Variants in RSL1D1 observed in about 807,000 individuals in gnomAD.
The protein encoded by RSL1D1 is ribosomal L1 domain-containing protein 1.
In RSL1D1, 34 loss-of-function variants were observed where a neutral mutation model predicts 44.6. The ratio of observed to expected loss-of-function variants is 0.76; its 90% CI spans 0.58 to 1.02. RSL1D1 has a LOEUF of 1.02. RSL1D1 is among the 50% of genes least tolerant of loss of function. RSL1D1 has a pLI of 0.00. For missense variants in RSL1D1, 767 were observed against 568.1 expected, an observed-to-expected ratio of 1.35 and a Z score of -3.56; for synonymous variants, 271 against 207.4, an observed-to-expected ratio of 1.31 and a Z score of -2.63.
Position 11,838,015 on chromosome 16 carries a change from G to A in RSL1D1, c.1245C>T (p.Thr415=), listed in dbSNP as rs760175070. 1 of 1,613,826 alleles carries A rather than the reference G, an allele frequency of 6.2e-7. No homozygotes were observed. Among genetic ancestry groups the A allele is most frequent in the Non-Finnish European group, 8.5e-7 (1 of 1,179,968 alleles). Reference sequence around the variant, plus strand: ...GGGTCTCAGACTCTGCAGCTTTTGGGGTCTCAGATGCTGGCAAAGCCTTTC... The same window carrying A: ...GGGTCTCAGACTCTGCAGCTTTTGGAGTCTCAGATGCTGGCAAAGCCTTTC... The part of the protein sequence containing the change: ...KKRKALPASE[T]PKAAESETPG... The change falls in exon 9 of 9, where the codon ACC becomes ACT. Residue 415 remains threonine (T), a synonymous_variant. Coordinates refer to ENST00000571133, the MANE Select transcript of RSL1D1 (RefSeq NM_015659.3).
chr16:11,850,140 T>C, intron 2 of RSL1D1, 139 bp downstream of exon 2: 1 of 814,482 alleles, frequency 1.2e-6, no homozygotes, highest in Non-Finnish European at 1.8e-6. Flanking sequence ...ATGGTTCTTT[T>C]GGACATAGTT....
rs186466173 is a variant in RSL1D1 at position 11,841,869 on chromosome 16, T to C, written c.729+38A>G. 5.1e-5 allele frequency: 83 copies of C among 1,611,752 alleles called. No homozygotes were observed. In the Admixed American group the frequency reaches 5.9e-4, roughly 11 times the overall value. On this transcript the variant is annotated intron_variant, in intron 6 of 8. Coordinates refer to ENST00000571133, the MANE Select transcript of RSL1D1 (RefSeq NM_015659.3). ...TCGTCTACATATACTTTGTTTCTTTTAAATGAACAATCAATTGATGCACCT... is the reference window on the plus strand; with the variant it reads ...TCGTCTACATATACTTTGTTTCTTTCAAATGAACAATCAATTGATGCACCT...
chr16:11,835,084 G>A lies in RSL1D1; in HGVS notation c.*2703C>T, dbSNP rs1265327375. 1 of 152,190 alleles carries A rather than the reference G, an allele frequency of 6.6e-6. No individual in the cohort carries two copies. The highest frequency in any genetic ancestry group is 2.4e-5 in the African/African-American group (1 of 41,432). 9.4% of individuals were successfully genotyped at this position (152,190 alleles called of 1,614,324 possible). ...GATGACACTAGTGCACTCCAGCCTG[G>A]GGAACAGAGTAAGACCATCTCCCCC... On this transcript the variant is annotated 3_prime_UTR_variant, in exon 9 of 9. Coordinates refer to ENST00000571133, the MANE Select transcript of RSL1D1 (RefSeq NM_015659.3).
At chr16:11,847,975 G>C (rs1230863683) in intron 2 of RSL1D1, among the ~76,000 whole-genome samples, 169 bp from the exon 3 acceptor site, 1 of 152,188 alleles carries the variant, frequency 6.6e-6, no homozygotes, top group Non-Finnish European at 1.5e-5. Flanking sequence ...TTCATGGCCG[G>C]TAGTAGTGGC....
At position 11,838,126 on chromosome 16, in the gene RSL1D1, A is replaced by T; in HGVS notation, c.1147-13T>A. The stretch of plus-strand genomic sequence containing the variant: ...CATGTTTTTGAATCTAAGAAAAAAA[A>T]AAGTAAGTTTAATATAGAAAAAGCC... On this transcript the variant is annotated splice_polypyrimidine_tract_variant and intron_variant, in intron 8 of 8. Coordinates refer to ENST00000571133, the MANE Select transcript of RSL1D1 (RefSeq NM_015659.3). The T allele has an allele frequency of 1.3e-6, 2 of 1,557,230 alleles. No individual in the cohort carries two copies. Among genetic ancestry groups the T allele is most frequent in the South Asian group, 1.2e-5 (1 of 82,250 alleles).
At position 11,838,018 on chromosome 16, in the gene RSL1D1, C is replaced by A. The variant is rs764585663; in HGVS notation, c.1242G>T (p.Glu414Asp). 4 of 1,613,792 alleles carry A rather than the reference C, an allele frequency of 2.5e-6. No individual in the cohort carries two copies. The South Asian group carries it at 4.4e-5, about 18-fold the overall frequency. ...GKKRKALPAS[E>D]TPKAAESETP... is the part of the protein sequence containing the mutation. ...TCTCAGACTCTGCAGCTTTTGGGGT[C>A]TCAGATGCTGGCAAAGCCTTTCTTT... The change falls in exon 9 of 9, where the codon GAG becomes GAT. Residue 414 changes from glutamate to aspartate, a missense_variant. Glu to Asp is a conservative substitution (Grantham distance 45). Transcript: ENST00000571133.
chr16:11,839,297 C>T (rs900930833), intron 8 of RSL1D1, among the ~76,000 whole-genome samples: 4 of 148,142 alleles, frequency 2.7e-5, no homozygotes, highest in African/African-American at 1.0e-4. Flanking sequence ...ACCAGGGAGG[C>T]GGAGGTTGCA....
chr16:11,837,702 A>C lies in RSL1D1; in HGVS notation c.*85T>G, dbSNP rs1596436917. 10 of 1,213,958 alleles carry C rather than the reference A, an allele frequency of 8.2e-6. No homozygotes were observed. The East Asian group carries it at 1.9e-4, about 23-fold the overall frequency. 75.2% of individuals were successfully genotyped at this position (1,213,958 alleles called of 1,614,324 possible). ...TAAGTCCAGGCCTGACGTTTAGAGAAGGTTACAAAGGCGGCCAGGATCTGA... is the reference window on the plus strand; with the variant it reads ...TAAGTCCAGGCCTGACGTTTAGAGACGGTTACAAAGGCGGCCAGGATCTGA... On this transcript the variant is annotated 3_prime_UTR_variant, in exon 9 of 9. Coordinates refer to ENST00000571133, the MANE Select transcript of RSL1D1 (RefSeq NM_015659.3).
intron 5 of RSL1D1, among the ~76,000 whole-genome samples, chr16:11,844,412 G>C (rs991479293): frequency 6.6e-6 from 1 of 152,046 alleles, no homozygotes; most frequent in East Asian, 1.9e-4. Context: ...ATACTCATGG[G>C]TCCCATAAAC....
At chr16:11,849,729 C>T (rs1425289151) in intron 2 of RSL1D1, among the ~76,000 whole-genome samples, 3 of 152,192 alleles carry the variant, frequency 2.0e-5, no homozygotes, top group Admixed American at 6.6e-5. Flanking sequence ...TTTATTCTTT[C>T]GAACACCACG....
rs893226164 is a variant in RSL1D1, at chr16:11,836,039, A to T, written c.*1748T>A. On this transcript the variant is annotated 3_prime_UTR_variant, in exon 9 of 9. Transcript: ENST00000571133. ...CCAGGATCGACTGTAACTTGAGTTA[A>T]AAGAACCTGCTCTCCATCATCTCAA... The T allele has an allele frequency of 6.6e-6, 1 of 152,158 alleles. No homozygotes were observed. Among genetic ancestry groups the T allele is most frequent in the African/African-American group, 2.4e-5 (1 of 41,446 alleles). The allele number at this position is 152,158 out of a possible 1,614,324, so 9.4% of individuals were successfully genotyped here. A position where few individuals can be genotyped will look rare whatever the true frequency, so the allele number is the denominator to read the frequency against.
rs1285622031 is a variant in RSL1D1, at chr16:11,835,223, C to T, written c.*2564G>A. On this transcript the variant is annotated 3_prime_UTR_variant, in exon 9 of 9. Coordinates refer to ENST00000571133, the MANE Select transcript of RSL1D1 (RefSeq NM_015659.3). Reference sequence around the variant, plus strand: ...CTTTTTTTCAGTTTTGCTCTGCCGCCCAGGCTGGAGTGCAGTGGTGTGATC... The same window carrying T: ...CTTTTTTTCAGTTTTGCTCTGCCGCTCAGGCTGGAGTGCAGTGGTGTGATC... 6.6e-6 allele frequency: 1 copy of T among 152,176 alleles called. No individual in the cohort carries two copies. Among genetic ancestry groups the T allele is most frequent in the African/African-American group, 2.4e-5 (1 of 41,398 alleles). 9.4% of individuals were successfully genotyped at this position (152,176 alleles called of 1,614,324 possible). A position where few individuals can be genotyped will look rare whatever the true frequency, so the allele number is the denominator to read the frequency against.
chr16:11,842,004 AAATTT>A lies in RSL1D1; in HGVS notation c.636-9_636-5del. The stretch of plus-strand genomic sequence containing the variant: ...AACGTGACCAATACGTATAGCACTG[AAATTT>A]AATATAGTATTAGACAAGATTTTAA... On this transcript the variant is annotated splice_polypyrimidine_tract_variant and splice_region_variant and intron_variant, in intron 5 of 8. Transcript: ENST00000571133. The A allele has an allele frequency of 1.9e-6, 3 of 1,597,570 alleles. No homozygotes were observed. Among genetic ancestry groups the A allele is most frequent in the Non-Finnish European group, 2.6e-6 (3 of 1,168,736 alleles).
At chr16:11,843,187 G>A (rs1318137236) in intron 5 of RSL1D1, among the ~76,000 whole-genome samples, 1 of 150,872 alleles carries the variant, frequency 6.6e-6, no homozygotes, top group African/African-American at 2.4e-5. Context: ...CGCCTGCCTC[G>A]GCCTCTCAAA....
chr16:11,847,919 G>GCAC, intron 2 of RSL1D1, 113 bp from the exon 3 acceptor site: 1 of 1,095,394 alleles, frequency 9.1e-7, no homozygotes, highest in Admixed American at 2.3e-5. Flanking sequence ...TTTTAGTCAT[G>GCAC]CTAGTTAAGC....
rs544797138 is a variant in RSL1D1, at chr16:11,834,227, A to G, written c.*3560T>C. On this transcript the variant is annotated 3_prime_UTR_variant, in exon 9 of 9. Coordinates refer to ENST00000571133, the MANE Select transcript of RSL1D1 (RefSeq NM_015659.3). ...GATGATTCAACTTTATGATTTTTCA[A>G]CTTTTTGATGGTATAAAAGCGATAC... is the stretch of plus-strand genomic sequence containing the variant. 6.6e-6 allele frequency: 1 copy of G among 152,352 alleles called. No individual in the cohort carries two copies. The highest frequency in any genetic ancestry group is 2.4e-5 in the African/African-American group (1 of 41,572). The allele number at this position is 152,352 out of a possible 1,614,324, so 9.4% of individuals were successfully genotyped here. A position where few individuals can be genotyped will look rare whatever the true frequency, so the allele number is the denominator to read the frequency against.
chr16:11,839,121 T>G (rs1486451377), intron 8 of RSL1D1, among the ~76,000 whole-genome samples: 2 of 151,952 alleles, frequency 1.3e-5, no homozygotes, highest in East Asian at 3.9e-4. Context: ...ATCCCAGCAC[T>G]TTGGGAGGAC....
intron 5 of RSL1D1, among the ~76,000 whole-genome samples, chr16:11,842,705 T>C (rs1200798353): frequency 6.6e-6 from 1 of 151,760 alleles, no homozygotes; most frequent in Admixed American, 6.6e-5. Flanking sequence ...TTATCATCTT[T>C]CATGTACTAG....
intron 2 of RSL1D1, 39 bp from the exon 3 acceptor site, chr16:11,847,845 T>A (rs1279565956): frequency 6.3e-7 from 1 of 1,591,182 alleles, no homozygotes; most frequent in Non-Finnish European, 8.6e-7. Flanking sequence ...AAAGCATTAT[T>A]ACACACATTA....
Sources: gnomAD v4.1 joint callset for allele counts (sites outside exome capture counted in the v4.1 genomes callset) on GRCh38, gnomAD v4.1.1 for gene constraint, MANE v1.5 for transcripts, NCBI Gene and HGNC (gene_info 2026-07-23, HGNC 2026-07-21) for gene names.